Variants in STK32C observed in about 807,000 individuals in gnomAD.
STK32C encodes the protein serine/threonine kinase 32C.
STK32C carries 31 observed loss-of-function variants against 56.5 expected under a neutral mutation model. That is an observed-to-expected ratio of 0.55 (90% confidence interval 0.41 to 0.74). STK32C has a LOEUF of 0.74. STK32C is among the 30% of genes least tolerant of loss of function. STK32C has a pLI of 0.00. For missense variants in STK32C, 544 were observed against 676.9 expected, an observed-to-expected ratio of 0.80 and a Z score of 2.18; for synonymous variants, 309 against 289.4, an observed-to-expected ratio of 1.07 and a Z score of -0.69.
intron 1 of STK32C, among the ~76,000 whole-genome samples, chr10:132,295,761 G>A (rs538653698): frequency 2.6e-5 from 4 of 152,098 alleles, no homozygotes; most frequent in Admixed American, 1.3e-4. Flanking sequence ...GCGCACGCCT[G>A]TAATCCCAGC....
intron 1 of STK32C, chr10:132,330,132 C>A: frequency 3.0e-6 from 1 of 332,030 alleles, no homozygotes; most frequent in Non-Finnish European, 5.8e-6. Flanking sequence ...CAAAAGGCTA[C>A]CAATGGATAC....
At chr10:132,264,225 G>A (rs1281822607) in intron 1 of STK32C, among the ~76,000 whole-genome samples, 1 of 152,166 alleles carries the variant, frequency 6.6e-6, no homozygotes, top group Admixed American at 6.5e-5. Flanking sequence ...ACTCTAAAGT[G>A]GTTAATTTTG....
In STK32C at chr10:132,255,845, C is replaced by T. The variant is rs772635874; in HGVS notation, c.263-9890G>A. Among the ~76,000 whole-genome samples the T allele has an allele frequency of 2.6e-5, 4 of 152,186 alleles. No homozygotes were observed. Among genetic ancestry groups the T allele is most frequent in the Admixed American group, 1.3e-4 (2 of 15,288 alleles). On this transcript the variant is annotated intron_variant, in intron 1 of 11. Coordinates refer to ENST00000298630, the MANE Select transcript of STK32C (RefSeq NM_173575.4). This position sits in a 1 kb window ranked among gnomAD's most constrained non-coding sequence, Gnocchi z 4.6. ...GGCCCAGCATTACGTGCGCTGCCCA[C>T]GCATCTCCGAGGGCCCAGCTGGCCA...
intron 7 of STK32C, 51 bp from the exon 8 acceptor site, chr10:132,224,574 C>T: frequency 2.2e-6 from 3 of 1,382,570 alleles, no homozygotes; most frequent in Non-Finnish European, 2.0e-6. Flanking sequence ...CCCAGGACAC[C>T]CAGAACAATG....
Position 132,294,346 on chromosome 10 carries a change from G to A in STK32C, c.262+13226C>T, listed in dbSNP as rs143009285. Among the ~76,000 whole-genome samples, 992 of 152,304 alleles carry A rather than the reference G, an allele frequency of 6.5e-3. 17 individuals are homozygous for A. Among genetic ancestry groups the A allele is most frequent in the African/African-American group, 0.022 (933 of 41,562 alleles). ...AGGCTGGGAACAGAGCACAGCCACA[G>A]GGAGGGGCCCGCCCCAAGGCATCTT... On this transcript the variant is annotated intron_variant, in intron 1 of 11. Coordinates refer to ENST00000298630, the MANE Select transcript of STK32C (RefSeq NM_173575.4).
At chr10:132,271,933 C>A (rs1408108972) in intron 1 of STK32C, among the ~76,000 whole-genome samples, 1 of 152,252 alleles carries the variant, frequency 6.6e-6, no homozygotes, top group Non-Finnish European at 1.5e-5. Context: ...CCCGGACGCC[C>A]GGACCTCCTC....
chr10:132,246,437 T>C (rs1030957623), intron 1 of STK32C, among the ~76,000 whole-genome samples: 1 of 152,216 alleles, frequency 6.6e-6, no homozygotes, highest in African/African-American at 2.4e-5. Context: ...TCAGCCCTGC[T>C]GGCACTCACT....
At position 132,256,804 on chromosome 10, in the gene STK32C, G is replaced by T. The variant is rs111966780; in HGVS notation, c.263-10849C>A. ...GCAGCAGCTGAGAAGCCTGCTCCTG[G>T]GGCTGCCCGCCCAGAGGCACAGATG... On this transcript the variant is annotated intron_variant, in intron 1 of 11. Transcript: ENST00000298630. 7.7e-3 allele frequency among the ~76,000 whole-genome samples: 1,176 copies of T among 152,332 alleles called. 17 individuals carry two copies. Among genetic ancestry groups the T allele is most frequent in the African/African-American group, 0.027 (1,124 of 41,576 alleles).
At chr10:132,274,212 A>G (rs77664956) in intron 1 of STK32C, among the ~76,000 whole-genome samples, 5,628 of 152,264 alleles carry the variant, frequency 0.037, 128 homozygotes, top group Middle Eastern at 0.071. Context: ...GACTCAGCGG[A>G]GAGGCTGGCT....
chr10:132,246,086 G>A, intron 1 of STK32C, 131 bp from the exon 2 acceptor site: 1 of 913,764 alleles, frequency 1.1e-6, no homozygotes. Context: ...GTCGCCGTGG[G>A]GCGGGCCAAA....
Position 132,318,336 on chromosome 10 carries a change from C to T in STK32C, c.301+13100G>A, listed in dbSNP as rs376332886. On this transcript the variant is annotated intron_variant, in intron 1 of 3. Coordinates refer to the STK32C transcript ENST00000368620. ...AAACGTAGGTAAAAGACTTGGAAAACCAGGCACGGTGGCTCACGCTTGTAA... is the reference window on the plus strand; with the variant it reads ...AAACGTAGGTAAAAGACTTGGAAAATCAGGCACGGTGGCTCACGCTTGTAA... Among the ~76,000 whole-genome samples the T allele has an allele frequency of 4.6e-5, 7 of 151,806 alleles. No homozygotes were observed. The South Asian group carries it at 1.0e-3, about 23-fold the overall frequency.
intron 1 of STK32C, among the ~76,000 whole-genome samples, chr10:132,254,263 C>T (rs911209355): frequency 9.9e-5 from 15 of 152,062 alleles, no homozygotes; most frequent in Admixed American, 3.9e-4. Flanking sequence ...GAGCCAAGAT[C>T]GCGCCTCTGC....
intron 1 of STK32C, among the ~76,000 whole-genome samples, chr10:132,283,688 C>T (rs1211754292): frequency 6.6e-6 from 1 of 152,144 alleles, no homozygotes; most frequent in Non-Finnish European, 1.5e-5. Flanking sequence ...GGAGAGGCCG[C>T]GGGCTGTCAT....
upstream of STK32C, among the ~76,000 whole-genome samples, chr10:132,309,554 A>G (rs1233711383): frequency 1.3e-5 from 2 of 152,176 alleles, no homozygotes; most frequent in Non-Finnish European, 2.9e-5. Flanking sequence ...CACAGAGCCG[A>G]GTTTTCAGCC....
intron 10 of STK32C, among the ~76,000 whole-genome samples, chr10:132,219,053 G>C (rs534807764): frequency 6.6e-6 from 1 of 152,144 alleles, no homozygotes. Context: ...GAGAAGAGGG[G>C]AATGGGGCAT....
chr10:132,212,231 C>T (rs2062327633), intron 10 of STK32C, among the ~76,000 whole-genome samples: 2 of 152,184 alleles, frequency 1.3e-5, no homozygotes. Flanking sequence ...CAAGATGGTG[C>T]AGTCCCGGCG....
intron 1 of STK32C, among the ~76,000 whole-genome samples, chr10:132,289,646 T>C (rs1335135643): frequency 6.6e-6 from 1 of 152,238 alleles, no homozygotes; most frequent in African/African-American, 2.4e-5. Flanking sequence ...ACTCAGTGTC[T>C]GGTGAGGGCC....
chr10:132,284,808 TC>T, intron 1 of STK32C, among the ~76,000 whole-genome samples: 1 of 140,824 alleles, frequency 7.1e-6, no homozygotes, highest in African/African-American at 2.7e-5. Context: ...CAGAACACAT[TC>T]CCACGTCTGC....
In STK32C at chr10:132,225,904, T is replaced by G. The variant is rs2062872895; in HGVS notation, c.645-120A>C. ...CACCAACCCACTCGAGGCAGAGGCC[T>G]GGGAGCTTGACTTGGTCCTTGGATG... On this transcript the variant is annotated intron_variant, in intron 4 of 11. Transcript: ENST00000298630. 9.8e-6 allele frequency: 13 copies of G among 1,331,674 alleles called. No individual in the cohort carries two copies. The Middle Eastern group carries it at 7.5e-4, about 77-fold the overall frequency. The allele number at this position is 1,331,674 out of a possible 1,614,324, so 82.5% of individuals were successfully genotyped here. A position where few individuals can be genotyped will look rare whatever the true frequency, so the allele number is the denominator to read the frequency against.
Sources: gnomAD v4.1 joint callset for allele counts (sites outside exome capture counted in the v4.1 genomes callset) on GRCh38, gnomAD v4.1.1 for gene constraint, Gnocchi (gnomAD v3.1) non-coding constraint, MANE v1.5 for transcripts, NCBI Gene and HGNC (gene_info 2026-07-23, HGNC 2026-07-21) for gene names.